ZNF136: variants seen among roughly 807,000 people sequenced by gnomAD.
ZNF136 encodes zinc finger protein 136 (clone pHZ-20).
In ZNF136, 8 loss-of-function variants were observed where a neutral mutation model predicts 11.4. The ratio of observed to expected loss-of-function variants is 0.70; its 90% CI spans 0.41 to 1.27. ZNF136 has a LOEUF of 1.27. ZNF136 is among the 50% of genes most tolerant of loss of function. ZNF136 has a pLI of 0.01. For missense variants in ZNF136, 590 were observed against 656.5 expected, an observed-to-expected ratio of 0.90 and a Z score of 1.11; for synonymous variants, 190 against 207.1, an observed-to-expected ratio of 0.92 and a Z score of 0.71.
rs1298677531 is a variant in ZNF136, at chr19:12,187,025, G to T, written c.647G>T (p.Arg216Ile). ...DYPSRFRTHE[R>I]SHTGEKPYEC... ...CCCAGTAGATTTCGAACACATGAAA[G>T]AAGTCACACTGGAGAGAAACCCTAT... The change falls in exon 4 of 4, where the codon AGA becomes ATA. Residue 216 changes from arginine to isoleucine, a missense_variant. Physicochemically the swap from Arg to Ile is moderately conservative, Grantham distance 97. Coordinates refer to ENST00000343979, the MANE Select transcript of ZNF136 (RefSeq NM_003437.5). 1.2e-6 allele frequency: 2 copies of T among 1,614,078 alleles called. No individual in the cohort carries two copies. The highest frequency in any genetic ancestry group is 8.5e-7 in the Non-Finnish European group (1 of 1,180,008).
Position 12,175,322 on chromosome 19 carries a change from G to A in ZNF136, c.4-10463G>A, listed in dbSNP as rs557557353. ...CGATTCTCCTGCCTCAGCTTCCTGA[G>A]TAGCTGGGATTACAGGCCTGCATCA... is the stretch of plus-strand genomic sequence containing the variant. On this transcript the variant is annotated intron_variant, in intron 1 of 3. Coordinates refer to ENST00000343979, the MANE Select transcript of ZNF136 (RefSeq NM_003437.5). 2.0e-3 allele frequency among the ~76,000 whole-genome samples: 304 copies of A among 152,064 alleles called. 1 individual carries two copies. The highest frequency in any genetic ancestry group is 6.8e-3 in the African/African-American group (283 of 41,488).
rs557518691 is a variant in ZNF136 at position 12,176,125 on chromosome 19, A to G, written c.4-9660A>G. Among the ~76,000 whole-genome samples, 9 of 152,292 alleles carry G rather than the reference A, an allele frequency of 5.9e-5. No homozygotes were observed. The South Asian group carries it at 1.2e-3, about 21-fold the overall frequency. On this transcript the variant is annotated intron_variant, in intron 1 of 3. Transcript: ENST00000343979. ...TTTGAAAATTATGAATAACGCTGCT[A>G]TAAACATCTGTGTACAATTGTTTGC...
chr19:12,184,223 G>A (rs1915024974), intron 1 of ZNF136, among the ~76,000 whole-genome samples: 1 of 149,898 alleles, frequency 6.7e-6, no homozygotes, highest in African/African-American at 2.5e-5. Flanking sequence ...CCAAGACCCT[G>A]CCACTGCACT....
intron 1 of ZNF136, among the ~76,000 whole-genome samples, chr19:12,178,430 T>C (rs532442584): frequency 6.6e-5 from 10 of 152,292 alleles, no homozygotes; most frequent in African/African-American, 2.4e-4. Flanking sequence ...ATCAGGAAGA[T>C]TGTGGGTCTT....
intron 1 of ZNF136, among the ~76,000 whole-genome samples, chr19:12,176,763 T>C (rs1914804280): frequency 6.6e-6 from 1 of 152,110 alleles, no homozygotes; most frequent in African/African-American, 2.4e-5. Flanking sequence ...ATATGCAGTG[T>C]GTCAGATGGT....
chr19:12,172,415 C>T (rs959442119), intron 1 of ZNF136, among the ~76,000 whole-genome samples: 3 of 152,098 alleles, frequency 2.0e-5, no homozygotes, highest in African/African-American at 7.2e-5. Context: ...GGGCCTGATG[C>T]CTAGATGTTA....
At chr19:12,176,766 CA>C (rs1914804457) in intron 1 of ZNF136, among the ~76,000 whole-genome samples, 1 of 152,106 alleles carries the variant, frequency 6.6e-6, no homozygotes, top group African/African-American at 2.4e-5. Flanking sequence ...TGCAGTGTGT[CA>C]GATGGTGCTT....
At chr19:12,179,937 C>A (rs1914900634) in intron 1 of ZNF136, among the ~76,000 whole-genome samples, 1 of 151,932 alleles carries the variant, frequency 6.6e-6, no homozygotes, top group Admixed American at 6.6e-5. Context: ...GCAGTCTCGG[C>A]TCACTGCAAG....
chr19:12,163,879 T>C (rs1364548872), intron 1 of ZNF136: 2 of 152,264 alleles, frequency 1.3e-5, no homozygotes, highest in African/African-American at 4.8e-5. Context: ...TGTCCTTTTG[T>C]CTCCTCTATG....
chr19:12,175,051 T>C (rs1023413705), intron 1 of ZNF136, among the ~76,000 whole-genome samples: 7 of 151,870 alleles, frequency 4.6e-5, no homozygotes, highest in African/African-American at 1.7e-4. Context: ...AGAGACAGTG[T>C]TTCGCCATAT....
intron 1 of ZNF136, among the ~76,000 whole-genome samples, chr19:12,182,193 G>A (rs1914960060): frequency 6.6e-6 from 1 of 152,272 alleles, no homozygotes. Flanking sequence ...CTTTTCGCCT[G>A]AGAGGTAAGC....
intron 1 of ZNF136, among the ~76,000 whole-genome samples, chr19:12,170,077 A>ACCT: frequency 7.3e-6 from 1 of 137,606 alleles, no homozygotes; most frequent in Non-Finnish European, 1.6e-5. Context: ...TACAGGCGTG[A>ACCT]GCCACCACGC....
intron 1 of ZNF136, among the ~76,000 whole-genome samples, chr19:12,183,810 T>TA (rs1347281454): frequency 1.3e-5 from 2 of 152,148 alleles, no homozygotes; most frequent in African/African-American, 2.4e-5. Flanking sequence ...CTGTGTTGCC[T>TA]AAACTGATGT....
In ZNF136 at chr19:12,187,557, A is replaced by G. The variant is rs763302910; in HGVS notation, c.1179A>G (p.Lys393=). Residue 393 remains lysine (K), a synonymous_variant, in exon 4 of 4, where the codon AAA becomes AAG. Transcript: ENST00000343979. ...AACATACTGGAGAAGGACCTTATAA[A>G]TGTAAGGTATGTGGGAAACCCTTTC... The part of the protein sequence containing the change: ...MIKHTGEGPY[K]CKVCGKPFHS... 1 of 1,614,008 alleles carries G rather than the reference A, an allele frequency of 6.2e-7. No individual in the cohort carries two copies. The highest frequency in any genetic ancestry group is 1.7e-5 in the Admixed American group (1 of 60,004).
chr19:12,184,884 C>G (rs1483265096), intron 1 of ZNF136: 1 of 152,148 alleles, frequency 6.6e-6, no homozygotes, highest in Non-Finnish European at 1.5e-5. Context: ...GGCTCCTTCC[C>G]CAAATCCGTT....
chr19:12,175,983 C>T (rs369549292), intron 1 of ZNF136, among the ~76,000 whole-genome samples: 3 of 152,072 alleles, frequency 2.0e-5, no homozygotes, highest in Non-Finnish European at 2.9e-5. Flanking sequence ...AAAAGTAATA[C>T]GCATTTAAGG....
rs1915096179 is a variant in ZNF136 at position 12,186,668 on chromosome 19, C to T, written c.290C>T (p.Pro97Leu). The T allele has an allele frequency of 1.9e-6, 3 of 1,614,002 alleles. No homozygotes were observed. The African/African-American group carries it at 4.0e-5, about 22-fold the overall frequency. ...AATCAGAATCTGAGCAAGAAAATCC[C>T]TGGAGTGAAACTCTGTGAAAGCATT... ...FANQNLSKKI[P>L]GVKLCESIVY... The change falls in exon 4 of 4, where the codon CCT (proline) becomes CTT (leucine). Residue 97 changes from proline (P) to leucine (L), a missense_variant. By Grantham distance (98) the Pro-to-Leu change is moderately conservative. Transcript: ENST00000343979.
At chr19:12,174,761 G>A (rs767868643) in intron 1 of ZNF136, among the ~76,000 whole-genome samples, 10 of 150,918 alleles carry the variant, frequency 6.6e-5, no homozygotes, top group African/African-American at 2.0e-4. Context: ...TGAGCCTCCC[G>A]AGTAGCTGGG....
chr19:12,180,748 C>T (rs1249783045), intron 1 of ZNF136, among the ~76,000 whole-genome samples: 5 of 152,036 alleles, frequency 3.3e-5, no homozygotes, highest in South Asian at 4.1e-4. Flanking sequence ...AATGATTCCC[C>T]GTAAAGATAT....
Sources: gnomAD v4.1 joint callset for allele counts (sites outside exome capture counted in the v4.1 genomes callset) on GRCh38, gnomAD v4.1.1 for gene constraint, MANE v1.5 for transcripts, NCBI Gene and HGNC (gene_info 2026-07-23, HGNC 2026-07-21) for gene names.